Variants in CFAP141 observed in about 807,000 individuals in gnomAD.
The protein encoded by CFAP141 is cilia- and flagella-associated protein 141.
chr1:154,199,276 G>C, the CFAP141 span: 1 of 573,368 alleles, frequency 1.7e-6, no homozygotes. Flanking sequence ...TAACGAGAGA[G>C]TGGAGAAGTG....
the CFAP141 span, among the ~76,000 whole-genome samples, chr1:154,204,720 CCTAG>C: frequency 6.7e-6 from 1 of 148,588 alleles, no homozygotes; most frequent in Non-Finnish European, 1.5e-5. Flanking sequence ...CACCACCACA[CCTAG>C]CTAATTTTAA....
the CFAP141 span, chr1:154,205,620 C>T: frequency 4.3e-6 from 7 of 1,614,048 alleles, no homozygotes; most frequent in Non-Finnish European, 5.9e-6. Flanking sequence ...TTCTTAAGTC[C>T]CATGGCCTTT....
At chr1:154,199,291 T>C in the CFAP141 span, 1 of 591,100 alleles carries the variant, frequency 1.7e-6, no homozygotes, top group Non-Finnish European at 3.1e-6. Flanking sequence ...GAAGTGAGAG[T>C]GGAAGTGCTG....
At chr1:154,199,654 C>T in the CFAP141 span, 1 of 661,918 alleles carries the variant, frequency 1.5e-6, no homozygotes, top group Middle Eastern at 2.6e-4. Context: ...TGACATAAAG[C>T]TGGGTGGTAG....
the CFAP141 span, chr1:154,206,170 C>T: frequency 1.5e-5 from 16 of 1,053,668 alleles, no homozygotes; most frequent in Non-Finnish European, 2.1e-5. Context: ...TACATTATAC[C>T]CTTGTTACAT....
the CFAP141 span, among the ~76,000 whole-genome samples, chr1:154,203,263 C>CT: frequency 1.7e-4 from 11 of 64,482 alleles, no homozygotes; most frequent in Admixed American, 8.2e-4. Flanking sequence ...GTAGTTTTTA[C>CT]TTTTTTTTTT....
At chr1:154,206,166 A>T in the CFAP141 span, 1 of 1,017,454 alleles carries the variant, frequency 9.8e-7, no homozygotes, top group Non-Finnish European at 1.6e-6. Context: ...TAACTACATT[A>T]TACCCTTGTT....
chr1:154,200,323 C>T, the CFAP141 span: 1 of 859,142 alleles, frequency 1.2e-6, no homozygotes, highest in Non-Finnish European at 1.8e-6. Flanking sequence ...AGTTGTGTTG[C>T]TCTGGTGTAA....
At chr1:154,203,023 G>A in the CFAP141 span, among the ~76,000 whole-genome samples, 3 of 146,906 alleles carry the variant, frequency 2.0e-5, no homozygotes, top group Non-Finnish European at 4.5e-5. Flanking sequence ...CAGGAGGCTG[G>A]GGCACGAGAA....
the CFAP141 span, chr1:154,200,668 GTTTCTTTTTTCTTTTTCT>G: frequency 7.0e-7 from 1 of 1,427,900 alleles, no homozygotes; most frequent in South Asian, 1.3e-5. Flanking sequence ...GAGTGAGGCT[GTTTCTTTTTTCTTTTTCT>G]TTTCTTTTTT....
the CFAP141 span, chr1:154,205,714 T>G: frequency 1.4e-6 from 2 of 1,389,226 alleles, no homozygotes; most frequent in Non-Finnish European, 2.0e-6. Flanking sequence ...TAGACCTTTT[T>G]TTTTTTTGAG....
At chr1:154,201,572 G>A in the CFAP141 span, among the ~76,000 whole-genome samples, 1 of 152,062 alleles carries the variant, frequency 6.6e-6, no homozygotes, top group East Asian at 1.9e-4. Flanking sequence ...ATTTTTAGTA[G>A]AGACGAGGTT....
the CFAP141 span, chr1:154,205,778 C>T: frequency 1.4e-6 from 1 of 706,790 alleles, no homozygotes; most frequent in Non-Finnish European, 2.4e-6. Context: ...GATCTCGGCT[C>T]ACCGCAATCT....
chr1:154,205,690 T>C, the CFAP141 span: 21 of 1,548,730 alleles, frequency 1.4e-5, no homozygotes, highest in Middle Eastern at 1.7e-4. Context: ...GAACCTCTAT[T>C]CTAATGAGAG....
At chr1:154,202,934 A>G in the CFAP141 span, among the ~76,000 whole-genome samples, 7 of 151,568 alleles carry the variant, frequency 4.6e-5, no homozygotes, top group African/African-American at 1.5e-4. Context: ...CAGTCTGGCC[A>G]ACATGGTGAA....
chr1:154,201,670 G>T, the CFAP141 span, among the ~76,000 whole-genome samples: 1 of 151,884 alleles, frequency 6.6e-6, no homozygotes. Context: ...TTACAGGTAT[G>T]AGCCACCGCG....
chr1:154,203,069 C>T, the CFAP141 span, among the ~76,000 whole-genome samples: 2 of 145,118 alleles, frequency 1.4e-5, no homozygotes, highest in Admixed American at 6.9e-5. Context: ...TGCAGTGAGC[C>T]GAGATTGCAC....
the CFAP141 span, chr1:154,205,609 C>CA: frequency 6.2e-7 from 1 of 1,613,910 alleles, no homozygotes; most frequent in Non-Finnish European, 8.5e-7. Flanking sequence ...TGTCGACCGT[C>CA]TTCTTAAGTC....
At chr1:154,205,082 C>T in the CFAP141 span, among the ~76,000 whole-genome samples, 1 of 151,846 alleles carries the variant, frequency 6.6e-6, no homozygotes, top group African/African-American at 2.4e-5. Context: ...CAGGGTTTCA[C>T]CATGTTGCCT....
Sources: gnomAD v4.1 joint callset for allele counts (sites outside exome capture counted in the v4.1 genomes callset) on GRCh38, gnomAD v4.1.1 for gene constraint, MANE v1.5 for transcripts, NCBI Gene and HGNC (gene_info 2026-07-23, HGNC 2026-07-21) for gene names.